Variants in PPEF1 observed in about 807,000 individuals in gnomAD.
The protein encoded by PPEF1 is serine/threonine-protein phosphatase with EF-hands 1.
Under a neutral mutation model 53.3 loss-of-function variants are expected in PPEF1, and 12 were observed. The observed-to-expected ratio is 0.23, with a 90% confidence interval of 0.14 to 0.36. PPEF1 has a LOEUF of 0.36. Ranked by LOEUF, PPEF1 falls within the 10% of genes least tolerant of loss-of-function variation. PPEF1 has a pLI of 1.00. For missense variants in PPEF1, 334 were observed against 490.4 expected (o/e 0.68, Z 3.01); for synonymous variants, 165 against 176.7 (o/e 0.93, Z 0.52).
At chrX:18,692,676 C>T (rs1929470724) in intron 4 of PPEF1, among the ~76,000 whole-genome samples, 1 of 111,509 alleles carries the variant, frequency 9.0e-6, no homozygotes, top group South Asian at 3.7e-4. Flanking sequence ...TTCCTGTTAC[C>T]TGCTTTTCCC....
chrX:18,692,391 C>A (rs868460250), intron 4 of PPEF1, among the ~76,000 whole-genome samples: 2 of 112,182 alleles, frequency 1.8e-5, no homozygotes, highest in South Asian at 7.4e-4. Context: ...CTTGTAACCA[C>A]AGCACCTAGC....
intron 6 of PPEF1, 141 bp downstream of exon 6, chrX:18,761,717 G>A: frequency 1.3e-5 from 5 of 385,343 alleles, no homozygotes; most frequent in Admixed American, 9.5e-5. Context: ...TCAAAGATTT[G>A]TAGAGCCATA....
intron 1 of PPEF1, among the ~76,000 whole-genome samples, chrX:18,711,541 G>A (rs2044328385): frequency 9.0e-6 from 1 of 111,645 alleles, no homozygotes; most frequent in African/African-American, 3.3e-5. Flanking sequence ...TTTCACGTAT[G>A]GTGTGAGGTA....
intron 9 of PPEF1, among the ~76,000 whole-genome samples, 156 bp from the exon 10 acceptor site, chrX:18,788,965 G>GTGAGATA (rs2046274178): frequency 8.9e-6 from 1 of 112,953 alleles, no homozygotes; most frequent in Non-Finnish European, 1.9e-5. Flanking sequence ...CAGTGGATGA[G>GTGAGATA]TGAGATATAG....
intron 3 of PPEF1, among the ~76,000 whole-genome samples, chrX:18,687,688 T>C (rs6633120): frequency 3.0e-3 from 94 of 31,214 alleles, no homozygotes; most frequent in Admixed American, 0.011. Flanking sequence ...TATTCTTCTT[T>C]TTTTTTTTTT....
chrX:18,752,030 C>T (rs1380904473), intron 4 of PPEF1, among the ~76,000 whole-genome samples: 3 of 111,725 alleles, frequency 2.7e-5, no homozygotes. Context: ...TCAAATTTTC[C>T]ATTTCTGCAA....
upstream of PPEF1, among the ~76,000 whole-genome samples, chrX:18,678,923 A>G (rs144472825): frequency 3.1e-3 from 343 of 111,116 alleles, 1 homozygote; most frequent in African/African-American, 0.011. Flanking sequence ...TTGAGAACCT[A>G]GAAGATTCCA....
Position 18,789,146 on chromosome X carries a change from C to T in PPEF1, c.938C>T (p.Thr313Met), listed in dbSNP as rs139885666. Residue 313 changes from threonine to methionine, a missense_variant, in exon 10 of 16, where the codon ACG (threonine) becomes ATG (methionine). Thr to Met is a moderately conservative substitution (Grantham distance 81). Coordinates refer to ENST00000470157, the MANE Select transcript of PPEF1 (RefSeq NM_001377996.1). ...ATGAAATCTGTGCTGATACCACCAACGGAAACAAACAGAGACCATGACACT... is the reference window on the plus strand; with the variant it reads ...ATGAAATCTGTGCTGATACCACCAATGGAAACAAACAGAGACCATGACACT... ...NKMKSVLIPP[T>M]ETNRDHDTDS... The T allele has an allele frequency of 3.1e-5, 37 of 1,209,708 alleles. No homozygotes were observed. In the African/African-American group the frequency reaches 4.4e-4, roughly 14 times the overall value.
At chrX:18,695,584 G>A (rs1929670314) in intron 4 of PPEF1, among the ~76,000 whole-genome samples, 1 of 111,627 alleles carries the variant, frequency 9.0e-6, no homozygotes, top group African/African-American at 3.3e-5. Flanking sequence ...AGAGTAGAGT[G>A]GGTAAAATGT....
intron 9 of PPEF1, among the ~76,000 whole-genome samples, chrX:18,787,567 C>T (rs2046231437): frequency 9.1e-6 from 1 of 110,158 alleles, no homozygotes; most frequent in Non-Finnish European, 1.9e-5. Flanking sequence ...GCCTTGAAAA[C>T]TTCAGAGCCA....
intron 10 of PPEF1, among the ~76,000 whole-genome samples, chrX:18,794,758 T>A (rs762360382): frequency 2.0e-4 from 22 of 112,028 alleles, no homozygotes; most frequent in Non-Finnish European, 7.5e-5. Context: ...GGGATGCCCA[T>A]CAGCTTGCTC....
At chrX:18,698,781 T>G (rs1222130489) in intron 5 of PPEF1, among the ~76,000 whole-genome samples, 1 of 111,697 alleles carries the variant, frequency 9.0e-6, no homozygotes, top group African/African-American at 3.3e-5. Flanking sequence ...GACTCTGTCT[T>G]AAAAATAAGA....
upstream of PPEF1, among the ~76,000 whole-genome samples, chrX:18,679,276 C>T (rs1050799052): frequency 9.0e-6 from 1 of 111,413 alleles, no homozygotes; most frequent in Non-Finnish European, 1.9e-5. Context: ...TGGGCTTTTG[C>T]TGTTTTGGCC....
chrX:18,787,732 T>C (rs1454106950), intron 9 of PPEF1, among the ~76,000 whole-genome samples: 1 of 85,693 alleles, frequency 1.2e-5, no homozygotes, highest in Non-Finnish European at 2.2e-5. Flanking sequence ...CCAGCCTGGG[T>C]AACATAGCAA....
At chrX:18,711,918 C>T (rs2044338709) in intron 1 of PPEF1, among the ~76,000 whole-genome samples, 1 of 110,923 alleles carries the variant, frequency 9.0e-6, no homozygotes, top group African/African-American at 3.3e-5. Flanking sequence ...CCACATCTGG[C>T]TAATTTTTGT....
At chrX:18,737,110 TTG>T (rs2045003303) in intron 3 of PPEF1, among the ~76,000 whole-genome samples, 1 of 112,122 alleles carries the variant, frequency 8.9e-6, no homozygotes, top group Admixed American at 9.5e-5. Context: ...GAAGGGTTTT[TTG>T]TGTCTCTATT....
chrX:18,687,813 G>A (rs867071412), intron 3 of PPEF1, among the ~76,000 whole-genome samples: 4 of 107,680 alleles, frequency 3.7e-5, no homozygotes, highest in Admixed American at 2.0e-4. Flanking sequence ...CTCAGCCTCC[G>A]GAGTAGCCGG....
intron 10 of PPEF1, among the ~76,000 whole-genome samples, chrX:18,798,270 C>T (rs1321941082): frequency 9.1e-6 from 1 of 109,762 alleles, no homozygotes. Context: ...TGGGCTCAAG[C>T]GATCCTTCCT....
chrX:18,751,927 G>A (rs980842678), intron 4 of PPEF1, among the ~76,000 whole-genome samples: 8 of 112,551 alleles, frequency 7.1e-5, no homozygotes, highest in Non-Finnish European at 1.1e-4. Context: ...AAATAGGGAA[G>A]TGTGAGTCCT....
Sources: allele counts gnomAD v4.1 joint callset (sites outside exome capture counted in the v4.1 genomes callset), GRCh38; gene constraint gnomAD v4.1.1; transcripts MANE v1.5; gene names NCBI Gene and HGNC (gene_info 2026-07-23, HGNC 2026-07-21).